The following ARHGEF6 variants were observed in gnomAD, a reference collection of about 807,000 sequenced individuals.
The protein encoded by ARHGEF6 is Rac/Cdc42 guanine nucleotide exchange factor 6.
A neutral mutation model predicts 70.3 loss-of-function variants in ARHGEF6; 9 were observed. The observed-to-expected ratio is 0.13, with a 90% CI of 0.08 to 0.22. The LOEUF is 0.22. Among genes scored for constraint, ARHGEF6 ranks in the 10% least tolerant of loss-of-function variants. The pLI, the probability that ARHGEF6 is intolerant of heterozygous loss-of-function variation, is 1.00. For synonymous variants in ARHGEF6, 201 were observed against 207.8 expected, an observed-to-expected ratio of 0.97 and a Z score of 0.28; for missense variants, 470 against 563.0, an observed-to-expected ratio of 0.83 and a Z score of 1.67.
chrX:136,722,253 A>G (rs2076806268), intron 6 of ARHGEF6, among the ~76,000 whole-genome samples: 1 of 112,071 alleles, frequency 8.9e-6, no homozygotes, highest in Non-Finnish European at 1.9e-5. Context: ...GGAAATCTTC[A>G]TGACTTTCAA....
chrX:136,686,601 T>TATATATATATATATATACAC (rs1569393695), intron 11 of ARHGEF6, among the ~76,000 whole-genome samples: 3 of 74,495 alleles, frequency 4.0e-5, no homozygotes, highest in African/African-American at 2.1e-4. Flanking sequence ...TGTGTATATA[T>TATATATATATATATATACAC]ATATATATAT....
chrX:136,732,212 G>T, intron 5 of ARHGEF6, 40 bp from the exon 6 acceptor site: 2 of 1,032,241 alleles, frequency 1.9e-6, no homozygotes, highest in Non-Finnish European at 2.7e-6. Flanking sequence ...TATCACAGAA[G>T]GCTATGATGA....
chrX:136,706,206 T>C (rs983062022), intron 9 of ARHGEF6, among the ~76,000 whole-genome samples: 4 of 111,964 alleles, frequency 3.6e-5, no homozygotes, highest in African/African-American at 9.7e-5. Flanking sequence ...GTAACACTTA[T>C]CTAGGTCCCT....
At chrX:136,778,536 G>C (rs932586119) in intron 2 of ARHGEF6, among the ~76,000 whole-genome samples, 1 of 108,457 alleles carries the variant, frequency 9.2e-6, no homozygotes, top group Non-Finnish European at 1.9e-5. Context: ...ATTCAGGCTG[G>C]AGTGCAGTGG....
At chrX:136,767,841 C>CAGG (rs2077333462) in intron 2 of ARHGEF6, 1 of 146,553 alleles carries the variant, frequency 6.8e-6, no homozygotes. Context: ...GCAGGCAGAG[C>CAGG]AGCAGCAGCA....
At chrX:136,748,844 T>C (rs1207604863) in intron 2 of ARHGEF6, among the ~76,000 whole-genome samples, 1 of 112,169 alleles carries the variant, frequency 8.9e-6, no homozygotes, top group Non-Finnish European at 1.9e-5. Flanking sequence ...ATTTCTATCT[T>C]TTTTGTACAT....
intron 5 of ARHGEF6, among the ~76,000 whole-genome samples, chrX:136,738,948 T>TA (rs1366344975): frequency 1.8e-5 from 2 of 112,271 alleles, no homozygotes; most frequent in Non-Finnish European, 3.8e-5. Flanking sequence ...ACCTTAGCAG[T>TA]AGCCTCTGCT....
intron 10 of ARHGEF6, among the ~76,000 whole-genome samples, chrX:136,688,427 C>A (rs2076426103): frequency 1.8e-5 from 2 of 110,164 alleles, no homozygotes; most frequent in Non-Finnish European, 3.8e-5. Context: ...ATTCGGGGTA[C>A]ATCATTAGGT....
chrX:136,672,215 G>C (rs181428632), intron 19 of ARHGEF6, 96 bp from the exon 20 acceptor site: 2 of 695,550 alleles, frequency 2.9e-6, no homozygotes, highest in East Asian at 3.2e-5. Context: ...TGTTACAGAA[G>C]GGTCTTTGTT....
At chrX:136,682,901 G>T in intron 12 of ARHGEF6, 57 bp from the exon 13 acceptor site, 1 of 921,155 alleles carries the variant, frequency 1.1e-6, no homozygotes, top group Non-Finnish European at 1.6e-6. Context: ...TATCTGTTGA[G>T]AATTTCTGGA....
intron 6 of ARHGEF6, among the ~76,000 whole-genome samples, chrX:136,728,491 C>T (rs966475407): frequency 9.2e-6 from 1 of 108,662 alleles, no homozygotes; most frequent in Non-Finnish European, 1.9e-5. Flanking sequence ...AATATGTCTA[C>T]AGATTTACAA....
At chrX:136,767,848 AGC>A in intron 2 of ARHGEF6, 1 of 429,442 alleles carries the variant, frequency 2.3e-6, no homozygotes, top group Non-Finnish European at 2.7e-6. Context: ...GAGCAGCAGC[AGC>A]AGCAGCAGCA....
chrX:136,767,286 A>T, intron 2 of ARHGEF6: 1 of 754,524 alleles, frequency 1.3e-6, no homozygotes, highest in Non-Finnish European at 1.6e-6. Context: ...GCGGGAACAG[A>T]TCAACCCAGC....
intron 2 of ARHGEF6, among the ~76,000 whole-genome samples, chrX:136,751,178 C>A (rs781580028): frequency 1.2e-4 from 13 of 111,696 alleles, no homozygotes; most frequent in Non-Finnish European, 2.3e-4. Flanking sequence ...GCTTTTTATT[C>A]TAGATATCCC....
rs188933900 is a variant in ARHGEF6 at position 136,768,005 on chromosome X, C to T, written c.249+11409G>A. ...ATGTTGCGGGTCACTGCCAGAGCTT[C>T]GGGCGGGATTCCCGGACTCATGGAC... On this transcript the variant is annotated intron_variant, in intron 2 of 21. Coordinates refer to ENST00000250617, the MANE Select transcript of ARHGEF6 (RefSeq NM_004840.3). 4.2e-4 allele frequency among the ~76,000 whole-genome samples: 47 copies of T among 112,251 alleles called. No individual in the cohort carries two copies. In the East Asian group the frequency reaches 0.012, roughly 30 times the overall value.
intron 9 of ARHGEF6, 110 bp from the exon 10 acceptor site, chrX:136,690,858 G>C: frequency 1.1e-6 from 1 of 881,668 alleles, no homozygotes; most frequent in Admixed American, 2.6e-5. Context: ...AAATAAAAAT[G>C]TGTTTTACTA....
chrX:136,692,663 T>C (rs1380844358), intron 9 of ARHGEF6, among the ~76,000 whole-genome samples: 1 of 112,262 alleles, frequency 8.9e-6, no homozygotes, highest in Non-Finnish European at 1.9e-5. Flanking sequence ...AACATAGGTG[T>C]TCTCCCCATT....
chrX:136,755,410 G>A (rs186776525), intron 2 of ARHGEF6, among the ~76,000 whole-genome samples: 12 of 111,653 alleles, frequency 1.1e-4, no homozygotes, highest in Non-Finnish European at 2.1e-4. Flanking sequence ...CAGCTCCTCC[G>A]TGCCTGTTTA....
rs773113594 is a variant in ARHGEF6, at chrX:136,683,700, G to A, written c.1393-856C>T. On this transcript the variant is annotated intron_variant, in intron 12 of 21. Transcript: ENST00000250617. ...TTCAACAGATATGCAATTAGTATAC[G>A]CAAAAATTACGTTTGCCTTCCATGC... is the stretch of plus-strand genomic sequence containing the variant. Among the ~76,000 whole-genome samples, 12 of 111,738 alleles carry A rather than the reference G, an allele frequency of 1.1e-4. No homozygotes were observed. In the South Asian group the frequency reaches 2.3e-3, roughly 21 times the overall value.
Sources: gnomAD v4.1 joint callset for allele counts (sites outside exome capture counted in the v4.1 genomes callset) on GRCh38, gnomAD v4.1.1 for gene constraint, MANE v1.5 for transcripts, NCBI Gene and HGNC (gene_info 2026-07-23, HGNC 2026-07-21) for gene names.